The following BCL2L1 variants were observed in gnomAD, a reference collection of about 807,000 sequenced individuals.
BCL2L1 encodes bcl-2-like protein 1.
BCL2L1 carries 1 observed loss-of-function variant against 18.7 expected under a neutral mutation model. The ratio of observed to expected loss-of-function variants is 0.05; its 90% CI spans 0.02 to 0.25. The LOEUF (loss-of-function observed/expected upper bound fraction) is 0.25. Among genes scored for constraint, BCL2L1 ranks in the 10% least tolerant of loss-of-function variants. BCL2L1 has a pLI of 1.00. For missense variants in BCL2L1, 207 were observed against 304.9 expected, an observed-to-expected ratio of 0.68 and a Z score of 2.39; for synonymous variants, 103 against 122.7, an observed-to-expected ratio of 0.84 and a Z score of 1.06.
intron 2 of BCL2L1, among the ~76,000 whole-genome samples, chr20:31,717,194 C>G (rs1212687318): frequency 6.6e-6 from 1 of 152,142 alleles, no homozygotes; most frequent in Non-Finnish European, 1.5e-5. Flanking sequence ...TCAAGAAAGC[C>G]CCATGATGGA....
intron 2 of BCL2L1, among the ~76,000 whole-genome samples, chr20:31,705,962 T>C (rs1024065209): frequency 3.3e-5 from 5 of 152,078 alleles, no homozygotes; most frequent in African/African-American, 9.7e-5. Context: ...AGCCTTAGAA[T>C]TGGGCTCCTT....
At chr20:31,671,732 C>T (rs1198183658) in intron 2 of BCL2L1, among the ~76,000 whole-genome samples, 1 of 151,876 alleles carries the variant, frequency 6.6e-6, no homozygotes, top group African/African-American at 2.4e-5. Context: ...TTAGACATTA[C>T]AGTGATTTGT....
chr20:31,674,552 G>A (rs1249656435), intron 2 of BCL2L1, among the ~76,000 whole-genome samples: 1 of 152,144 alleles, frequency 6.6e-6, no homozygotes, highest in Admixed American at 6.6e-5. Flanking sequence ...CTGAGGCTCA[G>A]AGATACTGAG....
Position 31,665,989 on chromosome 20 carries a change from G to A in BCL2L1, c.662C>T (p.Ala221Val), listed in dbSNP as rs2122387941. The change falls in exon 3 of 3, where the codon GCC becomes GTC. Residue 221 changes from alanine (A) to valine (V), a missense_variant. By Grantham distance (64) the Ala-to-Val change is moderately conservative. Transcript: ENST00000307677. ...NRWFLTGMTV[A>V]GVVLLGSLFS... ...GAGTGAGCCCAGCAGAACCACGCCG[G>A]CCACAGTCATGCCCGTCAGGAACCA... 2 of 1,614,108 alleles carry A rather than the reference G, an allele frequency of 1.2e-6. No individual in the cohort carries two copies. The highest frequency in any genetic ancestry group is 1.7e-6 in the Non-Finnish European group (2 of 1,180,026).
intron 2 of BCL2L1, among the ~76,000 whole-genome samples, chr20:31,705,354 A>C (rs923712217): frequency 2.0e-5 from 3 of 152,180 alleles, no homozygotes; most frequent in African/African-American, 7.2e-5. Context: ...CAAAAACCCT[A>C]TGAAGTATTA....
At chr20:31,669,087 A>G (rs140522190) in intron 2 of BCL2L1, among the ~76,000 whole-genome samples, 22 of 151,412 alleles carry the variant, frequency 1.5e-4, no homozygotes, top group African/African-American at 5.3e-4. Context: ...ACAGTGTCTC[A>G]CTCTGTTACT....
intron 2 of BCL2L1, among the ~76,000 whole-genome samples, chr20:31,718,731 C>G (rs1378476957): frequency 6.6e-6 from 1 of 152,126 alleles, no homozygotes; most frequent in Non-Finnish European, 1.5e-5. Flanking sequence ...TGAAACCTGC[C>G]ATGTCTGAGT....
chr20:31,713,083 A>G (rs1047524579), intron 2 of BCL2L1, among the ~76,000 whole-genome samples: 1 of 152,038 alleles, frequency 6.6e-6, no homozygotes, highest in Non-Finnish European at 1.5e-5. Flanking sequence ...TCCTAGGGGA[A>G]CTCAGGGTTA....
At chr20:31,705,815 C>A (rs1217059831) in intron 2 of BCL2L1, among the ~76,000 whole-genome samples, 1 of 152,160 alleles carries the variant, frequency 6.6e-6, no homozygotes, top group African/African-American at 2.4e-5. Flanking sequence ...TGTCCAAACA[C>A]CTGCATGAAC....
intron 2 of BCL2L1, among the ~76,000 whole-genome samples, chr20:31,666,604 C>T (rs553635738): frequency 6.6e-6 from 1 of 152,102 alleles, no homozygotes; most frequent in South Asian, 2.1e-4. Flanking sequence ...GGGCTAAATC[C>T]CCAGGGTCAT....
upstream of BCL2L1, chr20:31,723,876 T>C (rs2061674893): frequency 1.0e-6 from 1 of 985,128 alleles, no homozygotes; most frequent in Admixed American, 6.1e-5. Context: ...GGCTGACTGC[T>C]CGCGCCGTCT....
Position 31,676,575 on chromosome 20 carries a change from C to T in BCL2L1, c.565-10489G>A, listed in dbSNP as rs2060765254. 2.0e-5 allele frequency among the ~76,000 whole-genome samples: 3 copies of T among 152,178 alleles called. No individual in the cohort carries two copies. The South Asian group carries it at 6.2e-4, about 32-fold the overall frequency. On this transcript the variant is annotated intron_variant, in intron 2 of 2. Transcript: ENST00000307677. Reference sequence around the variant, plus strand: ...TCTTTCGTAAGTAGATGGCCACAGCCCTCCATTCTTCTCCCAGTGTCCAGG... The same window carrying T: ...TCTTTCGTAAGTAGATGGCCACAGCTCTCCATTCTTCTCCCAGTGTCCAGG...
chr20:31,701,517 G>A (rs1015663132), intron 2 of BCL2L1, among the ~76,000 whole-genome samples: 5 of 151,954 alleles, frequency 3.3e-5, no homozygotes, highest in African/African-American at 7.3e-5. Context: ...CCTTTCACCC[G>A]ACTCCCTTAG....
chr20:31,723,679 CG>C (rs2061672280), upstream of BCL2L1: 2 of 985,416 alleles, frequency 2.0e-6, no homozygotes, highest in African/African-American at 3.5e-5. Context: ...AGCGGGACGG[CG>C]AAGGCTCCTA....
chr20:31,664,592 G>C lies in BCL2L1; in HGVS notation c.*1357C>G, dbSNP rs1261912657. ...CCTCAGGAGCCAGGACCCTCGGCCA[G>C]CTTCCCTGGACCAGGGCAGGGGAGG... On this transcript the variant is annotated 3_prime_UTR_variant, in exon 3 of 3. Transcript: ENST00000307677. 4.8e-6 allele frequency: 1 copy of C among 208,238 alleles called. No homozygotes were observed. Among genetic ancestry groups the C allele is most frequent in the East Asian group, 7.1e-5 (1 of 14,038 alleles). The allele number at this position is 208,238 out of a possible 1,614,324, so 12.9% of individuals were successfully genotyped here.
chr20:31,719,323 T>TAG (rs2061587074), intron 2 of BCL2L1, among the ~76,000 whole-genome samples: 2 of 151,980 alleles, frequency 1.3e-5, no homozygotes, highest in Non-Finnish European at 2.9e-5. Flanking sequence ...TAGCCCTGAG[T>TAG]AGAATAGCCC....
chr20:31,675,487 T>G (rs1324376956), intron 2 of BCL2L1, among the ~76,000 whole-genome samples: 1 of 151,584 alleles, frequency 6.6e-6, no homozygotes, highest in African/African-American at 2.4e-5. Flanking sequence ...TGGCAGGGAG[T>G]TGCAGGCGGA....
At chr20:31,716,925 G>A (rs1036660502) in intron 2 of BCL2L1, 5 of 152,124 alleles carry the variant, frequency 3.3e-5, no homozygotes, top group Non-Finnish European at 7.4e-5. Flanking sequence ...CCTGACTCAG[G>A]TCTGCCAACT....
upstream of BCL2L1, chr20:31,723,706 GT>G (rs1319957364): frequency 3.0e-6 from 3 of 985,394 alleles, no homozygotes; most frequent in African/African-American, 1.7e-5. Flanking sequence ...CGCAACGGCT[GT>G]CACGCACAGG....
Sources: gnomAD v4.1 joint callset for allele counts (sites outside exome capture counted in the v4.1 genomes callset) on GRCh38, gnomAD v4.1.1 for gene constraint, MANE v1.5 for transcripts, NCBI Gene and HGNC (gene_info 2026-07-23, HGNC 2026-07-21) for gene names.